GORAB: variants seen among roughly 807,000 people sequenced by gnomAD.
GORAB encodes the protein golgin, RAB6 interacting, also known as RAB6-interacting golgin.
In GORAB, 17 loss-of-function variants were observed where a neutral mutation model predicts 29.9. The observed-to-expected ratio is 0.57, with a 90% CI of 0.39 to 0.85. The LOEUF is 0.85. GORAB is among the 40% of genes least tolerant of loss of function. The probability of loss-of-function intolerance (pLI) is 0.00; values close to 1 mark genes in which losing one functional copy is unlikely to be tolerated. For synonymous variants in GORAB, 183 were observed against 157.2 expected (o/e 1.16, Z -1.23); for missense variants, 442 against 437.8 (o/e 1.01, Z -0.09).
chr1:170,536,464 T>C (rs933539321), intron 1 of GORAB: 4 of 152,194 alleles, frequency 2.6e-5, no homozygotes, highest in African/African-American at 9.6e-5. Context: ...TTAAAACATC[T>C]GACAGTATCG....
chr1:170,532,685 A>C, intron 1 of GORAB: 1 of 200,016 alleles, frequency 5.0e-6, no homozygotes, highest in South Asian at 8.6e-5. Flanking sequence ...ATTGTGATGA[A>C]TTTATAGAAG....
rs141629965 is a variant in GORAB, at chr1:170,538,476, C to G, written c.62-734C>G. 5.2e-3 allele frequency among the ~76,000 whole-genome samples: 787 copies of G among 152,206 alleles called. 6 individuals are homozygous for G. The highest frequency in any genetic ancestry group is 0.017 in the African/African-American group (719 of 41,526). ...AGATGTTAACACTGGCATGGACAGT[C>G]CAAAAAGTATAATAGAAGTGTTATT... On this transcript the variant is annotated intron_variant, in intron 1 of 4. Transcript: ENST00000367763.
intron 1 of GORAB, among the ~76,000 whole-genome samples, chr1:170,535,604 G>A (rs917804721): frequency 1.3e-5 from 2 of 152,132 alleles, no homozygotes; most frequent in Non-Finnish European, 2.9e-5. Flanking sequence ...GCAGTAGCAC[G>A]ATCATAGTTC....
intron 4 of GORAB, among the ~76,000 whole-genome samples, chr1:170,547,025 T>C (rs951572470): frequency 6.6e-6 from 1 of 152,116 alleles, no homozygotes; most frequent in South Asian, 2.1e-4. Flanking sequence ...TTGCGTTGAG[T>C]CAAAGGGAAA....
At chr1:170,544,912 A>C (rs1237071195) in intron 4 of GORAB, 67 bp downstream of exon 4, 1 of 1,572,246 alleles carries the variant, frequency 6.4e-7, no homozygotes, top group Non-Finnish European at 8.7e-7. Context: ...CAGCTGTTCC[A>C]GGGGCTTTTA....
intron 1 of GORAB, chr1:170,536,298 A>G (rs921022102): frequency 2.0e-5 from 3 of 152,170 alleles, no homozygotes; most frequent in South Asian, 2.1e-4. Context: ...GCTGATATAT[A>G]AAAAATACAA....
At chr1:170,541,358 GCT>G (rs1207656950) in intron 2 of GORAB, among the ~76,000 whole-genome samples, 5 of 152,184 alleles carry the variant, frequency 3.3e-5, no homozygotes, top group Admixed American at 1.3e-4. Context: ...TTACCATGAA[GCT>G]CTCTGAGGGC....
At position 170,552,206 on chromosome 1, in the gene GORAB, T is replaced by C. The variant is rs747709307; in HGVS notation, c.854T>C (p.Leu285Pro). 1 of 1,614,066 alleles carries C rather than the reference T, an allele frequency of 6.2e-7. No individual in the cohort carries two copies. The highest frequency in any genetic ancestry group is 8.5e-7 in the Non-Finnish European group (1 of 1,179,966). Residue 285 changes from leucine (L) to proline (P), a missense_variant, in exon 5 of 5, where the codon CTT becomes CCT. Transcript: ENST00000367763. ...DVEADEETLE[L>P]EVEVERLLHE... is the part of the protein sequence containing the mutation. ...GAAGCCGATGAAGAGACTTTGGAGCTTGAGGTGGAGGTCGAGAGATTGCTA... is the reference window on the plus strand; with the variant it reads ...GAAGCCGATGAAGAGACTTTGGAGCCTGAGGTGGAGGTCGAGAGATTGCTA...
intron 3 of GORAB, among the ~76,000 whole-genome samples, chr1:170,543,571 A>G (rs1184248121): frequency 6.6e-6 from 1 of 151,686 alleles, no homozygotes; most frequent in East Asian, 1.9e-4. Context: ...GAAATAATGC[A>G]ACTCACTGAG....
At chr1:170,535,516 T>A (rs1473887321) in intron 1 of GORAB, among the ~76,000 whole-genome samples, 1 of 152,190 alleles carries the variant, frequency 6.6e-6, no homozygotes, top group Non-Finnish European at 1.5e-5. Context: ...TTAAGTTATC[T>A]TTTCACTTTT....
intron 4 of GORAB, among the ~76,000 whole-genome samples, chr1:170,548,676 TAA>T (rs1165750233): frequency 6.6e-6 from 1 of 152,214 alleles, no homozygotes; most frequent in African/African-American, 2.4e-5. Context: ...TCAACAATGA[TAA>T]GTTATTGCAT....
chr1:170,546,269 A>G (rs1177313647), intron 4 of GORAB, among the ~76,000 whole-genome samples: 2 of 152,094 alleles, frequency 1.3e-5, no homozygotes, highest in African/African-American at 4.8e-5. Flanking sequence ...GGGCGCCTAT[A>G]GTCCCAGCTA....
Position 170,539,414 on chromosome 1 carries a change from T to G in GORAB, c.266T>G (p.Phe89Cys). 1 of 1,614,164 alleles carries G rather than the reference T, an allele frequency of 6.2e-7. No individual in the cohort carries two copies. The highest frequency in any genetic ancestry group is 8.5e-7 in the Non-Finnish European group (1 of 1,180,030). The change falls in exon 2 of 5, where the codon TTC becomes TGC. Residue 89 changes from phenylalanine to cysteine, a missense_variant. Coordinates refer to ENST00000367763, the MANE Select transcript of GORAB (RefSeq NM_152281.3). ...PFSSPTLPSH[F>C]TLTSPVGDGQ... The stretch of plus-strand genomic sequence containing the variant: ...TCTTCCCCTACTCTTCCGAGTCATT[T>G]CACTCTCACCTCCCCCGTTGGTGAT...
chr1:170,542,987 A>G (rs1351964578), intron 3 of GORAB, among the ~76,000 whole-genome samples: 1 of 152,200 alleles, frequency 6.6e-6, no homozygotes, highest in Admixed American at 6.5e-5. Context: ...GGTTTTCTAC[A>G]TAAGTGACAT....
In GORAB at chr1:170,552,464, G is replaced by T. The variant is rs200554817; in HGVS notation, c.*2G>T. The T allele has an allele frequency of 6.2e-7, 1 of 1,612,598 alleles. No homozygotes were observed. The highest frequency in any genetic ancestry group is 8.5e-7 in the Non-Finnish European group (1 of 1,179,174). On this transcript the variant is annotated 3_prime_UTR_variant, in exon 5 of 5. Transcript: ENST00000367763. ...ATTTCAGCTGCTTTGGCCACATGAA[G>T]TTCTGGTATTCTTTTGAGCTAATAT...
At chr1:170,534,791 G>A (rs979077189) in intron 1 of GORAB, among the ~76,000 whole-genome samples, 2 of 152,110 alleles carry the variant, frequency 1.3e-5, no homozygotes, top group Admixed American at 1.3e-4. Flanking sequence ...GTTTGCGCAA[G>A]GACAAAATTG....
chr1:170,550,041 C>G (rs1650015673), intron 4 of GORAB, among the ~76,000 whole-genome samples: 1 of 152,132 alleles, frequency 6.6e-6, no homozygotes, highest in African/African-American at 2.4e-5. Flanking sequence ...TACAGGTAGA[C>G]CAAGACTCAG....
intron 4 of GORAB, chr1:170,545,144 C>T (rs1649678957): frequency 1.9e-6 from 2 of 1,053,692 alleles, no homozygotes; most frequent in Non-Finnish European, 2.3e-6. Flanking sequence ...TGTTTTTGCT[C>T]ATCTTTCAGC....
At chr1:170,534,880 G>A (rs1648959117) in intron 1 of GORAB, among the ~76,000 whole-genome samples, 1 of 152,176 alleles carries the variant, frequency 6.6e-6, no homozygotes, top group South Asian at 2.1e-4. Context: ...GTGGGAATGT[G>A]ATCAGGGAGA....
Sources: gnomAD v4.1 joint callset for allele counts (sites outside exome capture counted in the v4.1 genomes callset) on GRCh38, gnomAD v4.1.1 for gene constraint, MANE v1.5 for transcripts, NCBI Gene and HGNC (gene_info 2026-07-23, HGNC 2026-07-21) for gene names.